Variants in RNF8 observed in about 807,000 individuals in gnomAD.
RNF8 encodes the protein ring finger protein 8.
RNF8 carries 8 observed loss-of-function variants against 59.3 expected under a neutral mutation model. The observed-to-expected ratio is 0.13, with a 90% CI of 0.08 to 0.24. RNF8 has a LOEUF of 0.24. RNF8 is among the 10% of genes least tolerant of loss of function. RNF8 has a pLI of 1.00. For synonymous variants in RNF8, 162 were observed against 200.0 expected (o/e 0.81, Z 1.60); for missense variants, 406 against 572.6 (o/e 0.71, Z 2.97).
At chr6:37,378,150 C>G (rs1269688280) in intron 6 of RNF8, among the ~76,000 whole-genome samples, 1 of 152,048 alleles carries the variant, frequency 6.6e-6, no homozygotes, top group Non-Finnish European at 1.5e-5. Context: ...AAAAATTAGC[C>G]AGACATGGTG....
rs1769014063 is a variant in RNF8 at position 37,354,066 on chromosome 6, CTG to C, written c.-97_-96del. On this transcript the variant is annotated 5_prime_UTR_variant, in exon 1 of 8. Coordinates refer to ENST00000373479, the MANE Select transcript of RNF8 (RefSeq NM_003958.4). ...GCGAGCGTGTGGCGATTGCTTCTGT[CTG>C]TTATTTAGATATGGAAGCTGAGGGG... 1.0e-6 allele frequency: 1 copy of C among 998,398 alleles called. No homozygotes were observed. Among genetic ancestry groups the C allele is most frequent in the African/African-American group, 1.6e-5 (1 of 61,970 alleles). The allele number at this position is 998,398 out of a possible 1,614,324, so 61.8% of individuals were successfully genotyped here.
chr6:37,385,025 T>A (rs1770433490), intron 7 of RNF8, among the ~76,000 whole-genome samples: 1 of 151,994 alleles, frequency 6.6e-6, no homozygotes, highest in Non-Finnish European at 1.5e-5. Context: ...AAGATTTTTT[T>A]TTTTTGAGAT....
intron 2 of RNF8, among the ~76,000 whole-genome samples, chr6:37,363,906 G>A (rs1350369535): frequency 6.6e-6 from 1 of 152,156 alleles, no homozygotes; most frequent in Non-Finnish European, 1.5e-5. Context: ...AAGGCTGGGC[G>A]CTGTGGCTCA....
At chr6:37,378,289 A>AAAAAAAAG (rs989946178) in intron 6 of RNF8, among the ~76,000 whole-genome samples, 2 of 151,770 alleles carry the variant, frequency 1.3e-5, no homozygotes, top group Non-Finnish European at 2.9e-5. Context: ...GCAAGGCATG[A>AAAAAAAAG]AAAAAAAGAA....
chr6:37,375,120 G>A (rs775740629), intron 5 of RNF8, among the ~76,000 whole-genome samples: 7 of 152,176 alleles, frequency 4.6e-5, no homozygotes, highest in African/African-American at 1.2e-4. Flanking sequence ...CTTGAATTAG[G>A]GGTTATAAAC....
rs769671433 is a variant in RNF8 at position 37,368,920 on chromosome 6, A to G, written c.677A>G (p.Lys226Arg). 38 of 1,614,206 alleles carry G rather than the reference A, an allele frequency of 2.4e-5. 1 individual carries two copies. In the Middle Eastern group the frequency reaches 4.9e-4, roughly 21 times the overall value. The stretch of plus-strand genomic sequence containing the variant: ...GCTCCCATTTACCCTGGCTTCCCCA[A>G]AGTCACAGAGGTTCATCATGAGCAG... ...TGAPIYPGFPKVTEVHHEQKA... is the reference protein window; with the variant it reads ...TGAPIYPGFPRVTEVHHEQKA... Residue 226 changes from lysine to arginine, a missense_variant, in exon 3 of 8, where the codon AAA becomes AGA. Physicochemically the swap from Lys to Arg is conservative, Grantham distance 26. Transcript: ENST00000373479.
chr6:37,380,888 G>C (rs1313218580), intron 6 of RNF8, among the ~76,000 whole-genome samples: 1 of 151,938 alleles, frequency 6.6e-6, no homozygotes, highest in African/African-American at 2.4e-5. Context: ...TTACCATGTT[G>C]CCCAGGCTGG....
intron 2 of RNF8, among the ~76,000 whole-genome samples, chr6:37,363,918 G>A (rs1769431985): frequency 6.6e-6 from 1 of 152,148 alleles, no homozygotes; most frequent in South Asian, 2.1e-4. Flanking sequence ...TGTGGCTCAC[G>A]CCTGTAATCC....
At chr6:37,381,112 T>A (rs779705981) in intron 6 of RNF8, 38 bp from the exon 7 acceptor site, 1 of 1,560,390 alleles carries the variant, frequency 6.4e-7, no homozygotes, top group Non-Finnish European at 8.8e-7. Context: ...AAAGTAAGCA[T>A]GAAAGTTCTG....
chr6:37,379,667 C>T (rs559996002), intron 6 of RNF8, among the ~76,000 whole-genome samples: 4 of 152,318 alleles, frequency 2.6e-5, no homozygotes, highest in Admixed American at 6.5e-5. Flanking sequence ...GCGTTGTCAA[C>T]GAACCCACTA....
Position 37,381,347 on chromosome 6 carries a change from A to G in RNF8, c.1434A>G (p.Glu478=). The G allele has an allele frequency of 6.2e-7, 1 of 1,614,010 alleles. No individual in the cohort carries two copies. Among genetic ancestry groups the G allele is most frequent in the East Asian group, 2.2e-5 (1 of 44,886 alleles). ...AACGACGAATTGTTCTCATTAGGGA[A>G]CGAAAAGGTGAGTGGGTGTGAGAAT... is the stretch of plus-strand genomic sequence containing the variant. ...VKERRIVLIR[E]RKAKRLF The change falls in exon 7 of 8, where the codon GAA becomes GAG. Residue 478 remains glutamate (E), a synonymous_variant. Transcript: ENST00000373479.
chr6:37,372,402 G>A (rs1357516370), intron 4 of RNF8, among the ~76,000 whole-genome samples: 1 of 152,190 alleles, frequency 6.6e-6, no homozygotes, highest in East Asian at 1.9e-4. Flanking sequence ...TGCACAAACA[G>A]CTTTGGAAAG....
At chr6:37,385,341 A>G (rs2113834127) in intron 7 of RNF8, among the ~76,000 whole-genome samples, 1 of 149,928 alleles carries the variant, frequency 6.7e-6, no homozygotes, top group Non-Finnish European at 1.5e-5. Context: ...TAAACAATGT[A>G]TGCAGGGCGG....
intron 4 of RNF8, among the ~76,000 whole-genome samples, chr6:37,373,567 C>T (rs528137927): frequency 2.0e-5 from 3 of 152,078 alleles, no homozygotes; most frequent in South Asian, 2.1e-4. Flanking sequence ...CCACAATGCC[C>T]GACAATTTTT....
At chr6:37,371,869 A>C (rs940923491) in intron 4 of RNF8, among the ~76,000 whole-genome samples, 1 of 152,172 alleles carries the variant, frequency 6.6e-6, no homozygotes, top group Non-Finnish European at 1.5e-5. Flanking sequence ...CCACTTCTAG[A>C]AAGGTGAGGG....
intron 1 of RNF8, among the ~76,000 whole-genome samples, chr6:37,356,560 G>A (rs925573491): frequency 6.6e-6 from 1 of 152,178 alleles, no homozygotes; most frequent in African/African-American, 2.4e-5. Context: ...ATAGAGTTTG[G>A]TGGAAAAACA....
intron 7 of RNF8, among the ~76,000 whole-genome samples, chr6:37,384,919 A>G (rs887664538): frequency 1.3e-5 from 2 of 152,252 alleles, no homozygotes; most frequent in East Asian, 3.9e-4. Context: ...TGTATAAGAC[A>G]GTGTTTGTCT....
intron 5 of RNF8, among the ~76,000 whole-genome samples, chr6:37,376,217 A>G (rs1302504890): frequency 1.3e-5 from 2 of 152,194 alleles, no homozygotes; most frequent in Non-Finnish European, 2.9e-5. Context: ...ACAGCTTGCT[A>G]TAAACTACTT....
At chr6:37,379,250 A>G (rs2075455622) in intron 6 of RNF8, among the ~76,000 whole-genome samples, 1 of 152,096 alleles carries the variant, frequency 6.6e-6, no homozygotes, top group African/African-American at 2.4e-5. Context: ...TCCTGACCTC[A>G]GGTGATCTGC....
Sources: gnomAD v4.1 joint callset for allele counts (sites outside exome capture counted in the v4.1 genomes callset) on GRCh38, gnomAD v4.1.1 for gene constraint, MANE v1.5 for transcripts, NCBI Gene and HGNC (gene_info 2026-07-23, HGNC 2026-07-21) for gene names.